LDB2: variants seen among roughly 807,000 people sequenced by gnomAD.
The protein encoded by LDB2 is LIM domain binding 2.
LDB2 carries 12 observed loss-of-function variants against 44.3 expected under a neutral mutation model. That is an observed-to-expected ratio of 0.27 (90% CI 0.17 to 0.44). The LOEUF is 0.44. Ranked by LOEUF, LDB2 falls within the 20% of genes least tolerant of loss-of-function variation. The pLI is 1.00. For synonymous variants in LDB2, 164 were observed against 174.8 expected, an observed-to-expected ratio of 0.94 and a Z score of 0.49; for missense variants, 344 against 473.5, an observed-to-expected ratio of 0.73 and a Z score of 2.54.
chr4:16,850,180 T>C (rs573847192), intron 1 of LDB2, among the ~76,000 whole-genome samples: 16 of 152,190 alleles, frequency 1.1e-4, no homozygotes, highest in African/African-American at 3.6e-4. Context: ...TCTGTGAGTC[T>C]GTTATGGGAG....
At chr4:16,634,404 G>A (rs1387827254) in intron 2 of LDB2, among the ~76,000 whole-genome samples, 1 of 151,260 alleles carries the variant, frequency 6.6e-6, no homozygotes, top group Non-Finnish European at 1.5e-5. Context: ...TCTGACAGAG[G>A]GCTAATATCC....
At chr4:16,823,172 T>C (rs1448318192) in intron 1 of LDB2, among the ~76,000 whole-genome samples, 1 of 152,214 alleles carries the variant, frequency 6.6e-6, no homozygotes, top group African/African-American at 2.4e-5. Flanking sequence ...TAGAATTTGA[T>C]TCACAACAGG....
At chr4:16,608,533 G>C (rs1242876554) in intron 2 of LDB2, among the ~76,000 whole-genome samples, 1 of 152,172 alleles carries the variant, frequency 6.6e-6, no homozygotes, top group Non-Finnish European at 1.5e-5. Flanking sequence ...AAGAGAAAGC[G>C]GCCTCTGCGC....
chr4:16,727,305 A>T (rs1180913765), intron 2 of LDB2, among the ~76,000 whole-genome samples: 1 of 152,222 alleles, frequency 6.6e-6, no homozygotes, highest in African/African-American at 2.4e-5. Context: ...AGGAAGAAAC[A>T]ACCTCAGCAA....
chr4:16,662,174 C>G (rs986409516), intron 2 of LDB2, among the ~76,000 whole-genome samples: 5 of 152,122 alleles, frequency 3.3e-5, no homozygotes, highest in African/African-American at 1.2e-4. Flanking sequence ...CCGACTCATG[C>G]CATTCCTCAC....
chr4:16,711,827 A>T (rs1183197163), intron 2 of LDB2, among the ~76,000 whole-genome samples: 1 of 152,232 alleles, frequency 6.6e-6, no homozygotes, highest in Non-Finnish European at 1.5e-5. Flanking sequence ...GTGTCAAGAC[A>T]AGTCAATAGG....
At chr4:16,536,552 A>G (rs1282254298) in intron 5 of LDB2, among the ~76,000 whole-genome samples, 3 of 152,232 alleles carry the variant, frequency 2.0e-5, no homozygotes, top group Non-Finnish European at 2.9e-5. Context: ...TGAGAAAAGG[A>G]GCCAGCATGT....
chr4:16,638,335 T>A (rs1000550212), intron 2 of LDB2, among the ~76,000 whole-genome samples: 4 of 152,196 alleles, frequency 2.6e-5, no homozygotes, highest in Non-Finnish European at 4.4e-5. Context: ...TGATGCATGT[T>A]TCTTACAAAT....
chr4:16,562,509 CAAT>C, intron 5 of LDB2, among the ~76,000 whole-genome samples: 1 of 152,178 alleles, frequency 6.6e-6, no homozygotes, highest in Non-Finnish European at 1.5e-5. Context: ...ATCAAAACCA[CAAT>C]GAGATACCAT....
At chr4:16,521,924 T>C (rs561442665) in intron 5 of LDB2, among the ~76,000 whole-genome samples, 1 of 152,284 alleles carries the variant, frequency 6.6e-6, no homozygotes, top group African/African-American at 2.4e-5. Context: ...ACTTTGGGTG[T>C]CTGGGAGCCT....
intron 5 of LDB2, among the ~76,000 whole-genome samples, chr4:16,526,027 C>T (rs1013314031): frequency 6.6e-6 from 1 of 152,248 alleles, no homozygotes; most frequent in South Asian, 2.1e-4. Flanking sequence ...GTACTGTTAT[C>T]GTTAATTTTT....
At chr4:16,871,564 C>T (rs1716594614) in intron 1 of LDB2, among the ~76,000 whole-genome samples, 1 of 151,298 alleles carries the variant, frequency 6.6e-6, no homozygotes, top group Admixed American at 6.6e-5. Flanking sequence ...TCATTGTCTT[C>T]TTAATCATTA....
At position 16,620,953 on chromosome 4, in the gene LDB2, C is replaced by T. The variant is rs183863495; in HGVS notation, c.236-25078G>A. On this transcript the variant is annotated intron_variant, in intron 2 of 7. Transcript: ENST00000304523. ...TTTCTCAATTGGTTCAGAACTTAAA[C>T]GCTTTATCACGGTGTCCTTTGTTGG... 3.6e-4 allele frequency among the ~76,000 whole-genome samples: 55 copies of T among 152,294 alleles called. No individual in the cohort carries two copies. The East Asian group carries it at 9.4e-3, about 26-fold the overall frequency.
intron 5 of LDB2, among the ~76,000 whole-genome samples, chr4:16,584,266 T>G (rs970148613): frequency 6.6e-6 from 1 of 152,136 alleles, no homozygotes; most frequent in South Asian, 2.1e-4. Context: ...GGAGCTGATA[T>G]TATTTTTGGC....
In LDB2 at chr4:16,718,668, TTC is replaced by T. The variant is rs761707046; in HGVS notation, c.235+40488_235+40489del. On this transcript the variant is annotated intron_variant, in intron 2 of 7. Transcript: ENST00000304523. ...CAACAATTTGAGAATCACGGAGTAC[TTC>T]CTACCCTAGAGATTCATGACAAACC... Among the ~76,000 whole-genome samples the T allele has an allele frequency of 9.1e-3, 1,388 of 152,262 alleles. 8 individuals are homozygous for T. Among genetic ancestry groups the T allele is most frequent in the Non-Finnish European group, 0.014 (970 of 68,014 alleles).
rs185998387 is a variant in LDB2, at chr4:16,815,366, A to C, written c.133-56106T>G. On this transcript the variant is annotated intron_variant, in intron 1 of 7. Transcript: ENST00000304523. ...TGGAGGACATAGAAGAGCCTCTTTT[A>C]ATTGTTTCTCCTAGATCCAAGGTTT... Among the ~76,000 whole-genome samples the C allele has an allele frequency of 7.5e-4, 114 of 152,290 alleles. 1 individual carries two copies. Among genetic ancestry groups the C allele is most frequent in the Middle Eastern group, 6.8e-3 (2 of 294 alleles).
chr4:16,766,508 ATAT>A (rs370538871), intron 1 of LDB2, among the ~76,000 whole-genome samples: 2,106 of 57,020 alleles, frequency 0.037, 42 homozygotes, highest in South Asian at 0.2. Flanking sequence ...GTGTGTGTAT[ATAT>A]TTTTTTTTTT....
intron 1 of LDB2, among the ~76,000 whole-genome samples, chr4:16,879,041 C>G (rs1719268982): frequency 6.6e-6 from 1 of 151,888 alleles, no homozygotes; most frequent in African/African-American, 2.4e-5. Context: ...GTACAGCCCC[C>G]TTACTTGATT....
intron 1 of LDB2, among the ~76,000 whole-genome samples, chr4:16,876,564 A>G (rs11931416): frequency 0.36 from 55,380 of 152,006 alleles, 11,323 homozygotes; most frequent in East Asian, 0.69. Context: ...CTGTTGCTAT[A>G]GAAACCTTCA....
Sources: allele counts gnomAD v4.1 joint callset (sites outside exome capture counted in the v4.1 genomes callset), GRCh38; gene constraint gnomAD v4.1.1; transcripts MANE v1.5; gene names NCBI Gene and HGNC (gene_info 2026-07-23, HGNC 2026-07-21).